Variants in ELP4 observed in about 807,000 individuals in gnomAD.
The protein encoded by ELP4 is elongator acetyltransferase complex subunit 4, also known as elongator complex protein 4.
A neutral mutation model predicts 48.9 loss-of-function variants in ELP4; 51 were observed. The ratio of observed to expected loss-of-function variants is 1.04; its 90% CI spans 0.83 to 1.32. The LOEUF is 1.32. Among genes scored for constraint, ELP4 ranks in the 40% most tolerant of loss-of-function variants. ELP4 has a pLI of 0.00. For synonymous variants in ELP4, 210 were observed against 189.2 expected, an observed-to-expected ratio of 1.11 and a Z score of -0.90; for missense variants, 519 against 514.6, an observed-to-expected ratio of 1.01 and a Z score of -0.08.
chr11:31,567,668 G>A (rs958904100), intron 3 of ELP4, among the ~76,000 whole-genome samples: 1 of 152,140 alleles, frequency 6.6e-6, no homozygotes, highest in African/African-American at 2.4e-5. Context: ...TGGAGATAAT[G>A]CAGGTTTGAT....
chr11:31,635,608 G>C (rs1007561192), intron 7 of ELP4, among the ~76,000 whole-genome samples: 17 of 152,080 alleles, frequency 1.1e-4, no homozygotes, highest in African/African-American at 4.1e-4. Flanking sequence ...CATAGTCTTA[G>C]TCAAGTCTTA....
chr11:31,695,048 G>A (rs1016713965), intron 9 of ELP4, among the ~76,000 whole-genome samples: 1 of 152,154 alleles, frequency 6.6e-6, no homozygotes, highest in South Asian at 2.1e-4. Context: ...AGCTTAAGGA[G>A]ATTTTGGGCC....
At chr11:31,781,796 C>T (rs907395820) in intron 9 of ELP4, among the ~76,000 whole-genome samples, 6 of 151,886 alleles carry the variant, frequency 4.0e-5, no homozygotes, top group East Asian at 3.9e-4. Context: ...TGTGCCTGGC[C>T]GATTCCTGAG....
At chr11:31,604,632 A>G (rs1957839457) in intron 5 of ELP4, among the ~76,000 whole-genome samples, 1 of 151,948 alleles carries the variant, frequency 6.6e-6, no homozygotes, top group South Asian at 2.1e-4. Context: ...AAGCATTTGT[A>G]AAACCATTTT....
intron 9 of ELP4, chr11:31,763,516 C>G (rs1947989716): frequency 6.2e-7 from 1 of 1,610,366 alleles, no homozygotes; most frequent in Admixed American, 1.7e-5. Flanking sequence ...TTCTTTACAG[C>G]ATTCCACATT....
At chr11:31,690,030 A>G (rs2134136933) in intron 9 of ELP4, among the ~76,000 whole-genome samples, 1 of 152,324 alleles carries the variant, frequency 6.6e-6, no homozygotes, top group Non-Finnish European at 1.5e-5. Flanking sequence ...AAGGAAGGAA[A>G]AGGAAATAAC....
intron 3 of ELP4, among the ~76,000 whole-genome samples, chr11:31,548,686 T>G (rs1430601316): frequency 3.9e-5 from 6 of 152,258 alleles, no homozygotes; most frequent in Admixed American, 2.0e-4. Flanking sequence ...AAGTCAATCC[T>G]AAGCCAAAAG....
At position 31,546,304 on chromosome 11, in the gene ELP4, T is replaced by C. The variant is rs199883534; in HGVS notation, c.381+6521T>C. Among the ~76,000 whole-genome samples the C allele has an allele frequency of 3.5e-4, 53 of 151,232 alleles. No homozygotes were observed. In the East Asian group the frequency reaches 7.8e-3, roughly 22 times the overall value. On this transcript the variant is annotated intron_variant, in intron 3 of 9. Coordinates refer to ENST00000640961, the MANE Select transcript of ELP4 (RefSeq NM_019040.5). ...GATGGAGGAAGATCTACCAAGCAAA[T>C]GGAAAACAAAAAAAGGCAGGGGTTG...
At chr11:31,656,425 G>C (rs1945434340) in intron 9 of ELP4, among the ~76,000 whole-genome samples, 1 of 151,910 alleles carries the variant, frequency 6.6e-6, no homozygotes, top group Admixed American at 6.6e-5. Flanking sequence ...AAGTTTCTGT[G>C]TGGTCATCAA....
intron 9 of ELP4, among the ~76,000 whole-genome samples, chr11:31,768,185 A>G (rs1378338924): frequency 8.5e-5 from 13 of 152,204 alleles, no homozygotes; most frequent in African/African-American, 3.1e-4. Flanking sequence ...ATTAAAAGAT[A>G]TTAAAGTATT....
chr11:31,768,256 C>A (rs1272160294), intron 9 of ELP4, among the ~76,000 whole-genome samples: 1 of 152,108 alleles, frequency 6.6e-6, no homozygotes, highest in Non-Finnish European at 1.5e-5. Flanking sequence ...AAAACACACA[C>A]AACAGCATTT....
intron 3 of ELP4, among the ~76,000 whole-genome samples, chr11:31,577,020 G>A (rs1163105107): frequency 6.6e-6 from 1 of 151,996 alleles, no homozygotes; most frequent in African/African-American, 2.4e-5. Context: ...TTTTTGAAAA[G>A]ATCAACAAAA....
chr11:31,689,587 T>C (rs1398301074), intron 9 of ELP4, among the ~76,000 whole-genome samples: 1 of 152,050 alleles, frequency 6.6e-6, no homozygotes, highest in Non-Finnish European at 1.5e-5. Context: ...AGACTGAGAA[T>C]TACATTATGT....
At chr11:31,604,779 T>A (rs1426061092) in intron 5 of ELP4, among the ~76,000 whole-genome samples, 1 of 151,932 alleles carries the variant, frequency 6.6e-6, no homozygotes, top group African/African-American at 2.4e-5. Context: ...GCTTATTAAA[T>A]GTTTCCAAAA....
chr11:31,714,976 A>G (rs1187927769), intron 9 of ELP4: 8 of 395,618 alleles, frequency 2.0e-5, no homozygotes, highest in Non-Finnish European at 3.1e-5. Context: ...TACAGGTTCC[A>G]AAGACTGTGG....
intron 9 of ELP4, among the ~76,000 whole-genome samples, chr11:31,665,280 AG>A (rs1945646888): frequency 1.3e-5 from 2 of 152,148 alleles, no homozygotes; most frequent in South Asian, 4.1e-4. Context: ...TCCATATGCT[AG>A]GGAGGATCCT....
At chr11:31,572,338 A>G (rs182864133) in intron 3 of ELP4, among the ~76,000 whole-genome samples, 3 of 152,292 alleles carry the variant, frequency 2.0e-5, no homozygotes, top group South Asian at 2.1e-4. Flanking sequence ...TTTTAATTAT[A>G]TAGATATTTT....
chr11:31,732,733 A>G (rs1947218706), intron 9 of ELP4, among the ~76,000 whole-genome samples: 1 of 152,244 alleles, frequency 6.6e-6, no homozygotes, highest in South Asian at 2.1e-4. Flanking sequence ...ACTTCATGCA[A>G]ATGGAAACCA....
intron 9 of ELP4, among the ~76,000 whole-genome samples, chr11:31,694,606 G>A (rs1029389334): frequency 2.0e-5 from 3 of 152,022 alleles, no homozygotes; most frequent in Admixed American, 6.6e-5. Flanking sequence ...ATATGCCTCT[G>A]GCTTTGTTCT....
Sources: allele counts gnomAD v4.1 joint callset (sites outside exome capture counted in the v4.1 genomes callset), GRCh38; gene constraint gnomAD v4.1.1; transcripts MANE v1.5; gene names NCBI Gene and HGNC (gene_info 2026-07-23, HGNC 2026-07-21).